Variants in PPP1R42 observed in about 807,000 individuals in gnomAD.
PPP1R42 encodes leucine rich repeat containing 67.
Under a neutral mutation model 31.0 loss-of-function variants are expected in PPP1R42, and 34 were observed. The ratio of observed to expected loss-of-function variants is 1.10; its 90% confidence interval spans 0.83 to 1.46. The LOEUF is 1.46. Ranked by LOEUF, PPP1R42 falls within the 40% of genes most tolerant of loss-of-function variation. PPP1R42 has a pLI of 0.00. For synonymous variants in PPP1R42, 103 were observed against 109.8 expected, an observed-to-expected ratio of 0.94 and a Z score of 0.39; for missense variants, 268 against 303.0, an observed-to-expected ratio of 0.88 and a Z score of 0.86.
At chr8:66,991,949 T>C (rs1372313137) in intron 5 of PPP1R42, among the ~76,000 whole-genome samples, 1 of 152,192 alleles carries the variant, frequency 6.6e-6, no homozygotes, top group Non-Finnish European at 1.5e-5. Flanking sequence ...AGGTCCCCAC[T>C]TGGAGTTGGC....
intron 1 of PPP1R42, among the ~76,000 whole-genome samples, chr8:67,024,188 G>A (rs1417227503): frequency 1.3e-5 from 2 of 152,084 alleles, no homozygotes; most frequent in African/African-American, 4.8e-5. Flanking sequence ...GATTAAGAAA[G>A]TGCTTTTATA....
At chr8:66,988,637 G>A (rs1465098990) in intron 5 of PPP1R42, 120 bp from the exon 6 acceptor site, 1 of 829,232 alleles carries the variant, frequency 1.2e-6, no homozygotes, top group Non-Finnish European at 1.8e-6. Flanking sequence ...TCAGAGCCAG[G>A]TACTTAGAAG....
intron 5 of PPP1R42, among the ~76,000 whole-genome samples, chr8:67,004,066 G>A (rs975376766): frequency 6.6e-6 from 1 of 151,856 alleles, no homozygotes; most frequent in Non-Finnish European, 1.5e-5. Context: ...CTCCAGCCTG[G>A]GTGACAGAGC....
At chr8:67,025,552 T>TTA (rs1313013360) in intron 1 of PPP1R42, among the ~76,000 whole-genome samples, 1 of 151,914 alleles carries the variant, frequency 6.6e-6, no homozygotes, top group African/African-American at 2.4e-5. Context: ...GGGTTTTTTT[T>TTA]TTTTTTGTGG....
intron 7 of PPP1R42, among the ~76,000 whole-genome samples, chr8:66,969,868 A>G (rs1814493769): frequency 6.6e-6 from 1 of 152,242 alleles, no homozygotes; most frequent in Non-Finnish European, 1.5e-5. Context: ...GGAAGGATCA[A>G]TAGAGCAATC....
intron 7 of PPP1R42, among the ~76,000 whole-genome samples, chr8:66,981,544 T>C (rs1814837341): frequency 6.6e-6 from 1 of 151,894 alleles, no homozygotes; most frequent in African/African-American, 2.4e-5. Flanking sequence ...CACGCCTGGC[T>C]AATTTTTTGT....
chr8:66,991,298 C>T lies in PPP1R42; in HGVS notation c.553-2781G>A, dbSNP rs562104720. Among the ~76,000 whole-genome samples, 8 of 152,304 alleles carry T rather than the reference C, an allele frequency of 5.3e-5. No homozygotes were observed. The South Asian group carries it at 1.7e-3, about 32-fold the overall frequency. ...TGAAGTTCATGGCTCAACTTAGCCT[C>T]ATCAGGCTACTTGTACAAATGCAAA... On this transcript the variant is annotated intron_variant, in intron 5 of 7. Transcript: ENST00000685739.
intron 1 of PPP1R42, among the ~76,000 whole-genome samples, chr8:67,023,118 G>GT (rs1250654857): frequency 2.3e-5 from 3 of 129,256 alleles, no homozygotes; most frequent in South Asian, 2.2e-4. Flanking sequence ...GTTTTGTTTT[G>GT]TTTTTTCATT....
chr8:66,985,769 G>A (rs1814990152), intron 6 of PPP1R42: 1 of 1,244,272 alleles, frequency 8.0e-7, no homozygotes, highest in Non-Finnish European at 1.2e-6. Flanking sequence ...TTCCTCTCCT[G>A]GATTTGCCAT....
Position 66,998,643 on chromosome 8 carries a change from G to A in PPP1R42, c.553-10126C>T, listed in dbSNP as rs182626247. Among the ~76,000 whole-genome samples the A allele has an allele frequency of 7.7e-4, 117 of 152,296 alleles. 1 individual carries two copies. The highest frequency in any genetic ancestry group is 2.6e-3 in the African/African-American group (110 of 41,568). ...TCCTTTATTCTTAATCTTAGGGAAAGCATTCAATCTTTCATCATTAAGTAT... is the reference window on the plus strand; with the variant it reads ...TCCTTTATTCTTAATCTTAGGGAAAACATTCAATCTTTCATCATTAAGTAT... On this transcript the variant is annotated intron_variant, in intron 5 of 7. Transcript: ENST00000685739.
At chr8:66,974,082 A>G (rs1215963401) in intron 7 of PPP1R42, among the ~76,000 whole-genome samples, 1 of 152,136 alleles carries the variant, frequency 6.6e-6, no homozygotes, top group East Asian at 1.9e-4. Flanking sequence ...TCCTGATTTC[A>G]ATTCTTTTGG....
chr8:66,973,251 A>T (rs1179810570), intron 7 of PPP1R42, among the ~76,000 whole-genome samples: 1 of 152,012 alleles, frequency 6.6e-6, no homozygotes, highest in African/African-American at 2.4e-5. Flanking sequence ...AATTGTAGCA[A>T]AACTATTTAA....
At chr8:67,013,258 G>T (rs147250857) in intron 3 of PPP1R42, among the ~76,000 whole-genome samples, 162 bp from the exon 4 acceptor site, 1 of 152,012 alleles carries the variant, frequency 6.6e-6, no homozygotes, top group Non-Finnish European at 1.5e-5. Context: ...ATCTAAATGA[G>T]AACAAATTAT....
intron 1 of PPP1R42, among the ~76,000 whole-genome samples, chr8:67,026,350 GAAAA>G (rs992620901): frequency 2.0e-5 from 3 of 150,012 alleles, no homozygotes; most frequent in Non-Finnish European, 3.0e-5. Flanking sequence ...AAAAAAAAAA[GAAAA>G]AAGAAAATGT....
intron 5 of PPP1R42, among the ~76,000 whole-genome samples, chr8:66,994,705 T>G (rs528622620): frequency 6.6e-6 from 1 of 152,294 alleles, no homozygotes; most frequent in East Asian, 1.9e-4. Context: ...TAACAGGACT[T>G]TCATAGTATG....
In PPP1R42 at chr8:67,014,601, GAAACAA is replaced by G; in HGVS notation, c.130-15_130-10del. ...CAAAGAGAGAGGTCTTCCTAAAAGG[GAAACAA>G]AAACATGTCAAATGTAATTTCTCCT... On this transcript the variant is annotated splice_polypyrimidine_tract_variant and intron_variant, in intron 2 of 7. Coordinates refer to ENST00000685739, the MANE Select transcript of PPP1R42 (RefSeq NM_001364910.1). The G allele has an allele frequency of 6.6e-7, 1 of 1,504,542 alleles. No individual in the cohort carries two copies. The highest frequency in any genetic ancestry group is 1.3e-5 in the South Asian group (1 of 77,366). The allele number at this position is 1,504,542 out of a possible 1,614,324, so 93.2% of individuals were successfully genotyped here. A position where few individuals can be genotyped will look rare whatever the true frequency, so the allele number is the denominator to read the frequency against.
Position 67,014,369 on chromosome 8 carries a change from AT to A in PPP1R42, c.296+56del, listed in dbSNP as rs1343122187. 6.0e-5 allele frequency: 64 copies of A among 1,067,766 alleles called. No individual in the cohort carries two copies. The East Asian group carries it at 1.4e-3, about 24-fold the overall frequency. The allele number at this position is 1,067,766 out of a possible 1,614,324, so 66.1% of individuals were successfully genotyped here. ...AATGGAAATGCCTTCATGCAAAAAA[AT>A]GTAAGTACCATAATCATAAAAATCA... On this transcript the variant is annotated intron_variant, in intron 3 of 7. Coordinates refer to ENST00000685739, the MANE Select transcript of PPP1R42 (RefSeq NM_001364910.1).
intron 1 of PPP1R42, among the ~76,000 whole-genome samples, chr8:67,025,208 G>C (rs1273641539): frequency 1.3e-5 from 2 of 151,972 alleles, no homozygotes; most frequent in African/African-American, 4.8e-5. Flanking sequence ...GCCTCCCAAA[G>C]TGCCAAGATT....
chr8:66,991,439 A>G (rs1244883432), intron 5 of PPP1R42, among the ~76,000 whole-genome samples: 5 of 152,252 alleles, frequency 3.3e-5, no homozygotes, highest in African/African-American at 1.2e-4. Context: ...AGTAAATGTC[A>G]TTTAAACTAG....
Sources: allele counts gnomAD v4.1 joint callset (sites outside exome capture counted in the v4.1 genomes callset), GRCh38; gene constraint gnomAD v4.1.1; transcripts MANE v1.5; gene names NCBI Gene and HGNC (gene_info 2026-07-23, HGNC 2026-07-21).